Variants in FNDC3A observed in about 807,000 individuals in gnomAD.
The protein encoded by FNDC3A is fibronectin type III domain containing 3A, also known as fibronectin type-III domain-containing protein 3A.
Under a neutral mutation model 148.9 loss-of-function variants are expected in FNDC3A, and 32 were observed. That is an observed-to-expected ratio of 0.21 (90% CI 0.16 to 0.29). FNDC3A has a LOEUF of 0.29. FNDC3A is among the 10% of genes least tolerant of loss of function. The probability of loss-of-function intolerance (pLI) is 1.00; values close to 1 mark genes in which losing one functional copy is unlikely to be tolerated. For synonymous variants in FNDC3A, 472 were observed against 473.6 expected (o/e 1.00, Z 0.04); for missense variants, 1,191 against 1,452.8 (o/e 0.82, Z 2.93).
chr13:49,182,796 A>T (rs1413301285), intron 14 of FNDC3A, among the ~76,000 whole-genome samples: 3 of 151,928 alleles, frequency 2.0e-5, no homozygotes, highest in Non-Finnish European at 4.4e-5. Flanking sequence ...TCTTCCTCTC[A>T]TCTTATCTGG....
At chr13:49,003,213 C>T (rs1952158459) in intron 1 of FNDC3A, among the ~76,000 whole-genome samples, 1 of 152,032 alleles carries the variant, frequency 6.6e-6, no homozygotes, top group Non-Finnish European at 1.5e-5. Flanking sequence ...TTACAGGCAC[C>T]TGCCACCACA....
intron 24 of FNDC3A, among the ~76,000 whole-genome samples, 160 bp downstream of exon 24, chr13:49,202,126 T>C (rs1301872826): frequency 6.6e-6 from 1 of 152,222 alleles, no homozygotes; most frequent in Non-Finnish European, 1.5e-5. Flanking sequence ...AGAGTTCCAC[T>C]CAATAATAAA....
intron 2 of FNDC3A, among the ~76,000 whole-genome samples, chr13:49,060,721 G>A (rs1053756289): frequency 4.7e-5 from 7 of 148,528 alleles, no homozygotes; most frequent in Admixed American, 1.3e-4. Flanking sequence ...TGTACTGAGT[G>A]AAAAGAAGCC....
chr13:49,060,643 CAAAAAAAAAAAA>C (rs35534890), intron 2 of FNDC3A, among the ~76,000 whole-genome samples: 6 of 59,720 alleles, frequency 1.0e-4, no homozygotes, highest in African/African-American at 2.1e-4. Flanking sequence ...GACTCGGTCT[CAAAAAAAAAAAA>C]AAAAAAAAAA....
At chr13:49,067,112 A>G (rs954705833) in intron 2 of FNDC3A, among the ~76,000 whole-genome samples, 2 of 152,230 alleles carry the variant, frequency 1.3e-5, no homozygotes, top group Non-Finnish European at 2.9e-5. Flanking sequence ...GGATTGTATC[A>G]TGCTGTTAAT....
intron 8 of FNDC3A, among the ~76,000 whole-genome samples, chr13:49,147,347 C>T (rs1883052612): frequency 6.6e-6 from 1 of 152,164 alleles, no homozygotes; most frequent in Admixed American, 6.5e-5. Flanking sequence ...GCTACTGCAA[C>T]TGCCCAGTTC....
chr13:49,187,544 A>G, intron 16 of FNDC3A: 2 of 1,610,512 alleles, frequency 1.2e-6, no homozygotes, highest in South Asian at 2.2e-5. Context: ...CCAAAGTACA[A>G]ACACATCTTA....
At chr13:49,132,734 G>C (rs946911563) in intron 5 of FNDC3A, among the ~76,000 whole-genome samples, 1 of 152,024 alleles carries the variant, frequency 6.6e-6, no homozygotes, top group African/African-American at 2.4e-5. Context: ...TTCTTGCCTC[G>C]GTCCCTGTGT....
rs1593735529 is a variant in FNDC3A at position 49,192,751 on chromosome 13, T to C, written c.2226+1367T>C. On this transcript the variant is annotated intron_variant, in intron 19 of 25. Transcript: ENST00000492622. ...TTAATTTATATTTTCAGGTTTGTGA[T>C]AATTTGTCAAAATCACCTTAAGTAA... Among the ~76,000 whole-genome samples the C allele has an allele frequency of 2.0e-5, 3 of 152,344 alleles. No individual in the cohort carries two copies. The East Asian group carries it at 5.8e-4, about 29-fold the overall frequency.
intron 19 of FNDC3A, among the ~76,000 whole-genome samples, chr13:49,193,872 A>T (rs1469414333): frequency 6.6e-6 from 1 of 151,964 alleles, no homozygotes; most frequent in East Asian, 1.9e-4. Context: ...GTGAGCTGAA[A>T]TCATGCCACT....
At chr13:48,999,125 G>T (rs965885913) in intron 1 of FNDC3A, among the ~76,000 whole-genome samples, 62 of 152,186 alleles carry the variant, frequency 4.1e-4, no homozygotes, top group African/African-American at 1.4e-3. Context: ...TGAGAGTGCT[G>T]CATGGTCAGG....
chr13:49,120,127 C>T (rs1008347445), intron 4 of FNDC3A, among the ~76,000 whole-genome samples: 8 of 152,182 alleles, frequency 5.3e-5, no homozygotes, highest in African/African-American at 1.9e-4. Context: ...GCCCGTCAGA[C>T]TAATAGCAAA....
At chr13:48,976,705 G>T (rs1287563022) in intron 1 of FNDC3A, 1 of 152,420 alleles carries the variant, frequency 6.6e-6, no homozygotes, top group Non-Finnish European at 1.5e-5. Flanking sequence ...TCTGAAGAGA[G>T]TTTTCCCCGC....
At chr13:49,146,031 G>A (rs987629650) in intron 8 of FNDC3A, 96 bp downstream of exon 8, 15 of 847,270 alleles carry the variant, frequency 1.8e-5, no homozygotes, top group Admixed American at 3.1e-5. Context: ...CCTTCTTCAC[G>A]CTTTTATTCT....
intron 3 of FNDC3A, among the ~76,000 whole-genome samples, chr13:49,088,702 T>C (rs1878980349): frequency 6.6e-6 from 1 of 152,180 alleles, no homozygotes; most frequent in African/African-American, 2.4e-5. Context: ...CCAACCGCAC[T>C]AGTACTTCCT....
chr13:49,054,837 G>A (rs758646669), intron 2 of FNDC3A, among the ~76,000 whole-genome samples: 2 of 152,110 alleles, frequency 1.3e-5, no homozygotes, highest in Non-Finnish European at 2.9e-5. Context: ...CAGGGACCCT[G>A]TTTATATTTT....
chr13:49,112,242 A>T (rs573545025), intron 3 of FNDC3A, among the ~76,000 whole-genome samples: 2 of 152,318 alleles, frequency 1.3e-5, no homozygotes, highest in Non-Finnish European at 2.9e-5. Context: ...TTCTCTGTCA[A>T]GTTCTCAGCT....
intron 3 of FNDC3A, among the ~76,000 whole-genome samples, chr13:49,098,810 G>A (rs1288322140): frequency 2.6e-5 from 4 of 152,042 alleles, no homozygotes; most frequent in Admixed American, 6.6e-5. Flanking sequence ...CCTAATTTAA[G>A]CATTCTGCTT....
At chr13:49,093,122 C>T (rs1413689494) in intron 3 of FNDC3A, among the ~76,000 whole-genome samples, 1 of 152,008 alleles carries the variant, frequency 6.6e-6, no homozygotes, top group East Asian at 1.9e-4. Context: ...GTTGTGTAGG[C>T]CCACATCAGC....
Sources: gnomAD v4.1 joint callset for allele counts (sites outside exome capture counted in the v4.1 genomes callset) on GRCh38, gnomAD v4.1.1 for gene constraint, MANE v1.5 for transcripts, NCBI Gene and HGNC (gene_info 2026-07-23, HGNC 2026-07-21) for gene names.